WDR90: variants seen among roughly 807,000 people sequenced by gnomAD.
WDR90 encodes the protein WD repeat-containing protein 90.
In WDR90, 238 loss-of-function variants were observed where a neutral mutation model predicts 195.2. That is an observed-to-expected ratio of 1.22 (90% CI 1.10 to 1.36). The LOEUF (loss-of-function observed/expected upper bound fraction) is 1.36, where lower values mean the gene tolerates loss of function less well. Ranked by LOEUF, WDR90 falls within the 40% of genes most tolerant of loss-of-function variation. The probability of loss-of-function intolerance (pLI) is 0.00; values close to 1 mark genes in which losing one functional copy is unlikely to be tolerated. For missense variants in WDR90, 2,734 were observed against 2,439.5 expected, an observed-to-expected ratio of 1.12 and a Z score of -2.54; for synonymous variants, 1,265 against 1,052.4, an observed-to-expected ratio of 1.20 and a Z score of -3.91.
At chr16:667,324 C>T in intron 40 of WDR90, 108 bp from the exon 41 acceptor site, 1 of 1,431,204 alleles carries the variant, frequency 7.0e-7, no homozygotes, top group South Asian at 1.4e-5. Flanking sequence ...TTAGCACCAG[C>T]TCCCCCGACC....
chr16:665,850 G>A (rs759816499), intron 35 of WDR90, 49 bp downstream of exon 35: 4 of 1,552,276 alleles, frequency 2.6e-6, no homozygotes, highest in African/African-American at 1.4e-5. Context: ...CCTGCTCAGT[G>A]GGGGGCCTGG....
chr16:656,603 G>A (rs1045017760), intron 18 of WDR90, 66 bp downstream of exon 18: 107 of 1,573,198 alleles, frequency 6.8e-5, no homozygotes, highest in Non-Finnish European at 8.6e-5. Flanking sequence ...GTTTGTCAGC[G>A]GGGGTGAGAG....
chr16:649,269 G>T (rs772283465), upstream of WDR90: 1 of 937,142 alleles, frequency 1.1e-6, no homozygotes, highest in East Asian at 3.3e-5. Flanking sequence ...TACTCCCACC[G>T]GGGAGGTCAC....
rs759943784 is a variant in WDR90, at chr16:653,656, T to C, written c.1365T>C (p.Val455=). Residue 455 remains valine (V), a synonymous_variant, in exon 12 of 41, where the codon GTT becomes GTC. Coordinates refer to ENST00000293879, the MANE Select transcript of WDR90 (RefSeq NM_145294.5). ...CLCLFRSPMH[V]VCSLSFSDSG... is the part of the protein sequence containing the mutation. ...GCCTGTTCCGGAGCCCAATGCACGTTGTCTGCTCTCTCAGGTGAGCACAGG... is the reference window on the plus strand; with the variant it reads ...GCCTGTTCCGGAGCCCAATGCACGTCGTCTGCTCTCTCAGGTGAGCACAGG... 1.2e-5 allele frequency: 20 copies of C among 1,613,424 alleles called. No homozygotes were observed. In the East Asian group the frequency reaches 4.2e-4, roughly 34 times the overall value.
chr16:656,794 A>G lies in WDR90; in HGVS notation c.2265A>G (p.Pro755=). The G allele has an allele frequency of 6.2e-7, 1 of 1,613,200 alleles. No individual in the cohort carries two copies. The highest frequency in any genetic ancestry group is 8.5e-7 in the Non-Finnish European group (1 of 1,179,966). The change falls in exon 19 of 41, where the codon CCA becomes CCG. Residue 755 remains proline, a synonymous_variant. Transcript: ENST00000293879. ...PCAVTFHPTR[P]TFFCGFSSGA... The stretch of plus-strand genomic sequence containing the variant: ...CTGTCACCTTCCACCCCACAAGGCC[A>G]ACCTTTTTCTGTGGCTTTAGCAGTG...
intron 28 of WDR90, 102 bp from the exon 29 acceptor site, chr16:660,949 G>GGCCCCCCCCC (rs2037886001): frequency 5.1e-6 from 2 of 392,452 alleles, no homozygotes; most frequent in Non-Finnish European, 6.6e-6. Flanking sequence ...CCCGCCCCAC[G>GGCCCCCCCCC]GCTCGGCCCA....
chr16:657,764 G>C lies in WDR90; in HGVS notation c.2476G>C (p.Asp826His). 1.3e-6 allele frequency: 2 copies of C among 1,547,172 alleles called. No homozygotes were observed. Among genetic ancestry groups the C allele is most frequent in the East Asian group, 2.4e-5 (1 of 40,908 alleles). ...ACCCCTGCCCCGTGTGGCCACAGCG[G>C]ACATGGTATGCCCGGATGCCCCCGC... is the stretch of plus-strand genomic sequence containing the variant. ...PQWHVLRVAA[D>H]MVCPDAPASP... Residue 826 changes from aspartate to histidine, a missense_variant and splice_region_variant, in exon 21 of 41, where the codon GAC becomes CAC. Asp to His is a moderately conservative substitution (Grantham distance 81). Coordinates refer to ENST00000293879, the MANE Select transcript of WDR90 (RefSeq NM_145294.5).
Position 666,508 on chromosome 16 carries a change from C to G in WDR90, c.4794C>G (p.Asp1598Glu). The change falls in exon 38 of 41, where the codon GAC (aspartate) becomes GAG (glutamate). Residue 1598 changes from aspartate to glutamate, a missense_variant. Coordinates refer to ENST00000293879, the MANE Select transcript of WDR90 (RefSeq NM_145294.5). ...GTDLWLAASG[D>E]QRVSVWASDW... ...ACCTATGGCTGGCTGCCAGTGGGGA[C>G]CAGCGGGTCAGCGTCTGGGCCTCCG... is the stretch of plus-strand genomic sequence containing the variant. The G allele has an allele frequency of 3.1e-6, 5 of 1,612,708 alleles. No individual in the cohort carries two copies. The South Asian group carries it at 4.4e-5, about 14-fold the overall frequency.
rs918165902 is a variant in WDR90, at chr16:652,383, G to C, written c.1054-84G>C. ...CTTCTTGAGAGGCAGGACCCAGCTAGGGGTTGGCGGGGCTCGGAGTTGGTC... is the reference window on the plus strand; with the variant it reads ...CTTCTTGAGAGGCAGGACCCAGCTACGGGTTGGCGGGGCTCGGAGTTGGTC... On this transcript the variant is annotated intron_variant, in intron 9 of 40. Transcript: ENST00000293879. 7 of 1,467,852 alleles carry C rather than the reference G, an allele frequency of 4.8e-6. No individual in the cohort carries two copies. The African/African-American group carries it at 8.4e-5, about 18-fold the overall frequency. 90.9% of individuals were successfully genotyped at this position (1,467,852 alleles called of 1,614,324 possible).
At position 656,891 on chromosome 16, in the gene WDR90, C is replaced by A; in HGVS notation, c.2342+20C>A. 1 of 1,609,516 alleles carries A rather than the reference C, an allele frequency of 6.2e-7. No individual in the cohort carries two copies. Among genetic ancestry groups the A allele is most frequent in the South Asian group, 1.1e-5 (1 of 90,716 alleles). On this transcript the variant is annotated intron_variant, in intron 19 of 40. Transcript: ENST00000293879. ...ACACACGTAAGTGCCCAGCTGGCCA[C>A]CAGCCCCACGGAGACCCCACGGTGG...
At chr16:661,561 T>C (rs1488728474) in intron 30 of WDR90, 36 bp from the exon 31 acceptor site, 1 of 1,579,848 alleles carries the variant, frequency 6.3e-7, no homozygotes. Context: ...GGGCTGCATC[T>C]GTGCACCTGA....
At chr16:663,204 A>G (rs9929652) in intron 34 of WDR90, 179,882 of 370,942 alleles carry the variant, frequency 0.48, 48,917 homozygotes, top group East Asian at 0.98. Flanking sequence ...CTGGGAGGCC[A>G]AGGCAGGTGG....
chr16:651,233 C>G lies in WDR90; in HGVS notation c.703C>G (p.Pro235Ala). ...PSESLKVPSK[P>A]IEKSCSPPEA... is the part of the protein sequence containing the mutation. The stretch of plus-strand genomic sequence containing the variant: ...TGAGAGCTTGAAAGTGCCTTCCAAG[C>G]CGATTGAGAAGAGCTGTTCCCCTCC... Residue 235 changes from proline to alanine, a missense_variant, in exon 7 of 41, where the codon CCG becomes GCG. Coordinates refer to ENST00000293879, the MANE Select transcript of WDR90 (RefSeq NM_145294.5). 6.2e-7 allele frequency: 1 copy of G among 1,613,218 alleles called. No homozygotes were observed.
At position 649,836 on chromosome 16, in the gene WDR90, G is replaced by A. The variant is rs1338651638; in HGVS notation, c.84G>A (p.Gly28=). The change falls in exon 2 of 41, where the codon GGG becomes GGA. Residue 28 remains glycine, a synonymous_variant. Transcript: ENST00000293879. ...VDEWKRSAKQ[G]DVAVVTDKTL... ...AGTGGAAGCGCTCCGCCAAGCAGGG[G>A]GACGTGGCCGTGGTCACGGTAGGCG... The A allele has an allele frequency of 1.3e-6, 2 of 1,582,456 alleles. No homozygotes were observed. Among genetic ancestry groups the A allele is most frequent in the South Asian group, 1.1e-5 (1 of 87,918 alleles).
chr16:649,084 GGCGGGA>G, upstream of WDR90: 1 of 302,732 alleles, frequency 3.3e-6, no homozygotes, highest in Admixed American at 5.2e-5. Flanking sequence ...GCTTGCATGC[GGCGGGA>G]GCCCCGGCCG....
rs1049318431 is a variant in WDR90, at chr16:651,807, G to T, written c.841-20G>T. 3.7e-6 allele frequency: 6 copies of T among 1,611,490 alleles called. No individual in the cohort carries two copies. Among genetic ancestry groups the T allele is most frequent in the Non-Finnish European group, 5.1e-6 (6 of 1,179,632 alleles). ...GGGTGTGATGGCCCAGGACGCTGAT[G>T]GGCACTTGTCCCCCAGCAGTCCGGC... On this transcript the variant is annotated intron_variant, in intron 8 of 40. Coordinates refer to ENST00000293879, the MANE Select transcript of WDR90 (RefSeq NM_145294.5).
chr16:661,196 C>T (rs1306349533), intron 29 of WDR90, 24 bp downstream of exon 29: 2 of 1,527,400 alleles, frequency 1.3e-6, no homozygotes, highest in Non-Finnish European at 1.8e-6. Context: ...TCGCCCTCCT[C>T]CTCTCCCAGG....
intron 40 of WDR90, among the ~76,000 whole-genome samples, 161 bp downstream of exon 40, chr16:667,150 T>G (rs1160094982): frequency 6.6e-6 from 1 of 152,032 alleles, no homozygotes; most frequent in Non-Finnish European, 1.5e-5. Context: ...AGTCAGGAGA[T>G]GATGAGGCAG....
intron 34 of WDR90, 107 bp downstream of exon 34, chr16:662,951 C>G: frequency 6.7e-7 from 1 of 1,493,778 alleles, no homozygotes; most frequent in South Asian, 1.2e-5. Context: ...CCTGCCGTCA[C>G]TGGCTCGCAG....
Sources: allele counts gnomAD v4.1 joint callset (sites outside exome capture counted in the v4.1 genomes callset), GRCh38; gene constraint gnomAD v4.1.1; transcripts MANE v1.5; gene names NCBI Gene and HGNC (gene_info 2026-07-23, HGNC 2026-07-21).